Variants in SNTG2 observed in about 807,000 individuals in gnomAD.
SNTG2 encodes gamma-2-syntrophin.
SNTG2 carries 74 observed loss-of-function variants against 70.9 expected under a neutral mutation model. That is an observed-to-expected ratio of 1.04 (90% CI 0.86 to 1.27). The LOEUF (loss-of-function observed/expected upper bound fraction) is 1.27, where lower values mean the gene tolerates loss of function less well. Ranked by LOEUF, SNTG2 falls within the 50% of genes most tolerant of loss-of-function variation. The pLI, the probability that SNTG2 is intolerant of heterozygous loss-of-function variation, is 0.00. For missense variants in SNTG2, 717 were observed against 690.7 expected, an observed-to-expected ratio of 1.04 and a Z score of -0.43; for synonymous variants, 278 against 273.8, an observed-to-expected ratio of 1.02 and a Z score of -0.15.
At chr2:1,225,084 A>G (rs530605390) in intron 9 of SNTG2, among the ~76,000 whole-genome samples, 1 of 152,306 alleles carries the variant, frequency 6.6e-6, no homozygotes, top group Non-Finnish European at 1.5e-5. Flanking sequence ...TATAAAGCTC[A>G]CTTGTGTATG....
At chr2:999,778 G>A (rs1271250584) in intron 1 of SNTG2, among the ~76,000 whole-genome samples, 1 of 151,808 alleles carries the variant, frequency 6.6e-6, no homozygotes, top group Non-Finnish European at 1.5e-5. Flanking sequence ...GGACCAGATG[G>A]ACATAACAAA....
At chr2:1,052,452 C>T (rs1662129588) in intron 1 of SNTG2, among the ~76,000 whole-genome samples, 1 of 152,154 alleles carries the variant, frequency 6.6e-6, no homozygotes, top group Non-Finnish European at 1.5e-5. Context: ...CTCATAGTGG[C>T]TTCCCCCTTT....
At chr2:1,091,001 A>G (rs1664984704) in intron 2 of SNTG2, among the ~76,000 whole-genome samples, 1 of 152,170 alleles carries the variant, frequency 6.6e-6, no homozygotes, top group Non-Finnish European at 1.5e-5. Flanking sequence ...GAGAAAGTGT[A>G]ACAACCACCT....
intron 9 of SNTG2, among the ~76,000 whole-genome samples, chr2:1,233,701 T>G (rs541834877): frequency 1.6e-4 from 25 of 152,372 alleles, no homozygotes; most frequent in Middle Eastern, 6.8e-3. Flanking sequence ...GGAATAAATT[T>G]ATTTCTCTTA....
intron 14 of SNTG2, among the ~76,000 whole-genome samples, chr2:1,279,126 G>A (rs957168603): frequency 3.4e-5 from 5 of 147,214 alleles, no homozygotes; most frequent in Admixed American, 6.8e-5. Context: ...CGAATCACCC[G>A]TCAGTGCGCG....
intron 1 of SNTG2, among the ~76,000 whole-genome samples, chr2:973,555 G>A (rs1227389684): frequency 6.6e-6 from 1 of 150,848 alleles, no homozygotes; most frequent in Non-Finnish European, 1.5e-5. Flanking sequence ...TTTTTACTTG[G>A]ATATAGTTGT....
At chr2:1,095,811 G>A (rs2148205021) in intron 2 of SNTG2, among the ~76,000 whole-genome samples, 1 of 152,262 alleles carries the variant, frequency 6.6e-6, no homozygotes, top group African/African-American at 2.4e-5. Context: ...AGCATTTTCA[G>A]AAATTCCATA....
intron 9 of SNTG2, among the ~76,000 whole-genome samples, chr2:1,231,897 C>A (rs943064572): frequency 1.3e-5 from 2 of 152,202 alleles, no homozygotes; most frequent in Non-Finnish European, 2.9e-5. Context: ...AAATGCAGGA[C>A]GCCCTCTGTG....
intron 16 of SNTG2, among the ~76,000 whole-genome samples, chr2:1,327,246 T>C (rs1681798945): frequency 6.6e-6 from 1 of 152,128 alleles, no homozygotes; most frequent in Admixed American, 6.5e-5. Context: ...GGCTTTCTAA[T>C]GGAACAATGT....
intron 1 of SNTG2, among the ~76,000 whole-genome samples, chr2:1,047,545 G>C (rs1661808673): frequency 6.6e-6 from 1 of 152,144 alleles, no homozygotes; most frequent in Non-Finnish European, 1.5e-5. Context: ...CTTCATTTCT[G>C]GATGTTTTCA....
chr2:1,116,746 G>A (rs1248204645), intron 4 of SNTG2, among the ~76,000 whole-genome samples: 1 of 148,834 alleles, frequency 6.7e-6, no homozygotes, highest in Non-Finnish European at 1.5e-5. Flanking sequence ...TGGTGTATGG[G>A]TGCCGTGGTG....
chr2:988,374 C>T (rs185093395), intron 1 of SNTG2, among the ~76,000 whole-genome samples: 1 of 152,298 alleles, frequency 6.6e-6, no homozygotes, highest in African/African-American at 2.4e-5. Context: ...GTTCTGTGTC[C>T]CTAGAGTTGT....
chr2:994,094 A>G (rs1661594965), intron 1 of SNTG2, among the ~76,000 whole-genome samples: 1 of 152,020 alleles, frequency 6.6e-6, no homozygotes, highest in Non-Finnish European at 1.5e-5. Flanking sequence ...ATACACTCCT[A>G]TGTTTTCCTT....
intron 16 of SNTG2, among the ~76,000 whole-genome samples, chr2:1,362,400 G>A (rs966220788): frequency 4.0e-5 from 6 of 150,872 alleles, no homozygotes; most frequent in Admixed American, 1.3e-4. Flanking sequence ...GAGCATTTCA[G>A]TAGAACTTCC....
intron 1 of SNTG2, among the ~76,000 whole-genome samples, chr2:993,007 A>G (rs1214544571): frequency 6.6e-6 from 1 of 151,752 alleles, no homozygotes; most frequent in South Asian, 2.1e-4. Context: ...TTATATCTCT[A>G]AAGATTTGCC....
chr2:1,223,363 CGTGGAGG>C (rs1675487498), intron 9 of SNTG2, among the ~76,000 whole-genome samples: 12 of 61,170 alleles, frequency 2.0e-4, no homozygotes, highest in South Asian at 1.0e-3. Flanking sequence ...CCTGTCCTGC[CGTGGAGG>C]TGCTGAATCG....
chr2:1,098,425 A>G lies in SNTG2; in HGVS notation c.325+15A>G, dbSNP rs1344693564. 2 of 1,613,558 alleles carry G rather than the reference A, an allele frequency of 1.2e-6. No individual in the cohort carries two copies. The highest frequency in any genetic ancestry group is 2.7e-5 in the African/African-American group (2 of 74,940). ...AGACCAAGCAGGTAAAAACAGCCAAAATGACCTGTGTATGCATCACAGCCA... is the reference window on the plus strand; with the variant it reads ...AGACCAAGCAGGTAAAAACAGCCAAGATGACCTGTGTATGCATCACAGCCA... On this transcript the variant is annotated intron_variant, in intron 4 of 16. Transcript: ENST00000308624.
chr2:958,836 A>C (rs1660254108), intron 1 of SNTG2, among the ~76,000 whole-genome samples: 1 of 152,196 alleles, frequency 6.6e-6, no homozygotes, highest in African/African-American at 2.4e-5. Flanking sequence ...TGATGTTAGG[A>C]GTTATAGTAT....
intron 8 of SNTG2, among the ~76,000 whole-genome samples, chr2:1,186,131 A>G (rs1287791980): frequency 6.8e-6 from 1 of 146,910 alleles, no homozygotes; most frequent in African/African-American, 2.5e-5. Context: ...ACAGATCCCT[A>G]GAGCAGGGGC....
Sources: allele counts gnomAD v4.1 joint callset (sites outside exome capture counted in the v4.1 genomes callset), GRCh38; gene constraint gnomAD v4.1.1; transcripts MANE v1.5; gene names NCBI Gene and HGNC (gene_info 2026-07-23, HGNC 2026-07-21).